Variants in IQSEC1 observed in about 807,000 individuals in gnomAD.
The protein encoded by IQSEC1 is IQ motif and SEC7 domain-containing protein 1.
Under a neutral mutation model 91.0 loss-of-function variants are expected in IQSEC1, and 31 were observed. The ratio of observed to expected loss-of-function variants is 0.34; its 90% CI spans 0.26 to 0.46. IQSEC1 has a LOEUF of 0.46. IQSEC1 is among the 20% of genes least tolerant of loss of function. The pLI is 1.00. For synonymous variants in IQSEC1, 699 were observed against 662.6 expected (o/e 1.05, Z -0.84); for missense variants, 1,388 against 1,575.6 (o/e 0.88, Z 2.02).
chr3:13,277,137 A>AAAAC lies in IQSEC1; in HGVS notation c.272+5573_272+5574insGTTT, dbSNP rs60347391. ...AAAAAAAAAAAAAAAAAAAAAAAAAACAGAAAACAAGACACAAAAGACCGG... is the reference window on the plus strand; with the variant it reads ...AAAAAAAAAAAAAAAAAAAAAAAAAAAAACCAGAAAACAAGACACAAAAGACCGG... On this transcript the variant is annotated intron_variant, in intron 1 of 15. Transcript: ENST00000648114. Among the ~76,000 whole-genome samples, 43 of 118,376 alleles carry AAAAC rather than the reference A, an allele frequency of 3.6e-4. 2 individuals carry two copies. Among genetic ancestry groups the AAAAC allele is most frequent in the African/African-American group, 1.5e-3 (40 of 27,458 alleles). 77.7% of individuals were successfully genotyped at this position (118,376 alleles called of 152,430 possible).
chr3:13,013,174 TG>T (rs1480093960), intron 1 of IQSEC1, among the ~76,000 whole-genome samples: 1 of 152,148 alleles, frequency 6.6e-6, no homozygotes, highest in Non-Finnish European at 1.5e-5. Flanking sequence ...TTGGTCAGGC[TG>T]GTCTCGATCT....
intron 1 of IQSEC1, among the ~76,000 whole-genome samples, chr3:12,980,998 A>T (rs894032727): frequency 1.3e-5 from 2 of 152,120 alleles, no homozygotes; most frequent in African/African-American, 2.4e-5. Context: ...CCTTCCTCTA[A>T]GCAGTGTTCA....
intron 2 of IQSEC1, among the ~76,000 whole-genome samples, chr3:13,086,299 C>T (rs990060009): frequency 5.3e-5 from 8 of 150,826 alleles, no homozygotes; most frequent in Middle Eastern, 3.5e-3. Context: ...TTGTGCCCAC[C>T]GTGGCGGGGA....
chr3:13,193,004 C>G lies in IQSEC1; in HGVS notation c.273-28871G>C, dbSNP rs1270471074. On this transcript the variant is annotated intron_variant, in intron 1 of 15. Transcript: ENST00000648114. The surrounding 1 kb of genome is among the most constrained non-coding windows in gnomAD (Gnocchi z 4.2). ...TCCCAGTGACAGCAACAGGGGCCAT[C>G]TCTGGGCAGTGGGCGAAGGTCCAGT... Among the ~76,000 whole-genome samples, 1 of 152,264 alleles carries G rather than the reference C, an allele frequency of 6.6e-6. No homozygotes were observed. The highest frequency in any genetic ancestry group is 1.5e-5 in the Non-Finnish European group (1 of 68,048).
chr3:13,118,151 G>GCTAA (rs1706366811), intron 2 of IQSEC1, among the ~76,000 whole-genome samples: 1 of 152,118 alleles, frequency 6.6e-6, no homozygotes, highest in Non-Finnish European at 1.5e-5. Flanking sequence ...TGATGGCTGT[G>GCTAA]CTAACCACCC....
intron 2 of IQSEC1, among the ~76,000 whole-genome samples, chr3:13,119,652 C>T (rs1706391796): frequency 6.6e-6 from 1 of 152,210 alleles, no homozygotes; most frequent in African/African-American, 2.4e-5. Context: ...TGGATGTGGC[C>T]TGGGGGCCGT....
chr3:13,032,227 A>AATGAGGG (rs1703868224), intron 1 of IQSEC1, among the ~76,000 whole-genome samples: 1 of 152,182 alleles, frequency 6.6e-6, no homozygotes, highest in South Asian at 2.1e-4. Flanking sequence ...CCACTTTCAA[A>AATGAGGG]ATGAGGGCAC....
intron 3 of IQSEC1, among the ~76,000 whole-genome samples, chr3:12,925,248 G>A (rs749908959): frequency 1.3e-5 from 2 of 152,202 alleles, no homozygotes; most frequent in Non-Finnish European, 2.9e-5. Context: ...TGAGCAGACT[G>A]GAACCCTCCC....
chr3:12,928,393 G>A (rs899582604), intron 3 of IQSEC1, among the ~76,000 whole-genome samples: 1 of 152,222 alleles, frequency 6.6e-6, no homozygotes, highest in East Asian at 1.9e-4. Flanking sequence ...AGGGGGCCTA[G>A]GCCGGTGATG....
rs149775040 is a variant in IQSEC1 at position 13,148,421 on chromosome 3, A to G, written c.302+15683T>C. On this transcript the variant is annotated intron_variant, in intron 2 of 15. Transcript: ENST00000648114. ...CATGCATACCTACACTCTGCCACGA[A>G]TCAAATCATGAATCTTAAACCAGGA... 5.9e-5 allele frequency among the ~76,000 whole-genome samples: 9 copies of G among 152,344 alleles called. No homozygotes were observed. The East Asian group carries it at 1.7e-3, about 29-fold the overall frequency.
At chr3:13,101,597 G>A (rs988902457) in intron 2 of IQSEC1, among the ~76,000 whole-genome samples, 6 of 151,972 alleles carry the variant, frequency 3.9e-5, no homozygotes, top group Non-Finnish European at 7.4e-5. Flanking sequence ...CGGTTTCCAC[G>A]ACAGATTGCA....
chr3:12,907,557 C>A (rs886339873), intron 12 of IQSEC1, among the ~76,000 whole-genome samples: 2 of 152,212 alleles, frequency 1.3e-5, no homozygotes, highest in African/African-American at 4.8e-5. Flanking sequence ...CCTTGAGCAG[C>A]AACACAGCCT....
Position 12,994,348 on chromosome 3 carries a change from C to A in IQSEC1, c.24-52483G>T, listed in dbSNP as rs887617229. Among the ~76,000 whole-genome samples, 8 of 151,738 alleles carry A rather than the reference C, an allele frequency of 5.3e-5. No homozygotes were observed. Among genetic ancestry groups the A allele is most frequent in the Admixed American group, 3.3e-4 (5 of 15,268 alleles). On this transcript the variant is annotated intron_variant, in intron 1 of 13. Transcript: ENST00000613206. The surrounding 1 kb of genome is among the most constrained non-coding windows in gnomAD (Gnocchi z 4.5). ...CCCTCGGAAGGTGTGTGTGCGTGCG[C>A]GGCTGTGCTAGGGGGCGGGGAGGAC...
chr3:13,276,077 A>AGTC (rs1695672564), intron 1 of IQSEC1, among the ~76,000 whole-genome samples: 1 of 85,600 alleles, frequency 1.2e-5, no homozygotes, highest in Non-Finnish European at 2.3e-5. Context: ...CCTCAAAAGC[A>AGTC]TTCTTTTTTT....
chr3:13,269,192 G>A (rs1695550527), intron 1 of IQSEC1, among the ~76,000 whole-genome samples: 1 of 152,222 alleles, frequency 6.6e-6, no homozygotes, highest in Non-Finnish European at 1.5e-5. Flanking sequence ...GTGAGCAAGA[G>A]AGGAACTCAG....
At chr3:13,258,222 G>A (rs113345617) in intron 1 of IQSEC1, among the ~76,000 whole-genome samples, 12 of 152,170 alleles carry the variant, frequency 7.9e-5, no homozygotes, top group African/African-American at 1.7e-4. Context: ...CATCCATTGC[G>A]GCAGATGTGC....
At chr3:12,960,372 G>C (rs1291396796) in intron 1 of IQSEC1, 1 of 152,176 alleles carries the variant, frequency 6.6e-6, no homozygotes, top group African/African-American at 2.4e-5. Flanking sequence ...TGATGGTAGT[G>C]CACCTCTGTA....
intron 3 of IQSEC1, among the ~76,000 whole-genome samples, chr3:12,930,734 T>C (rs1399009105): frequency 6.6e-6 from 1 of 152,100 alleles, no homozygotes; most frequent in Admixed American, 6.5e-5. Flanking sequence ...CCCAGTTTGA[T>C]AGAGTTCCTG....
chr3:12,959,312 G>T (rs1048411281), intron 1 of IQSEC1, among the ~76,000 whole-genome samples: 1 of 152,182 alleles, frequency 6.6e-6, no homozygotes, highest in African/African-American at 2.4e-5. Context: ...GAAAGCCAGG[G>T]CAACAGGGAG....
Sources: allele counts gnomAD v4.1 joint callset (sites outside exome capture counted in the v4.1 genomes callset), GRCh38; gene constraint gnomAD v4.1.1; non-coding constraint Gnocchi (gnomAD v3.1); transcripts MANE v1.5; gene names NCBI Gene and HGNC (gene_info 2026-07-23, HGNC 2026-07-21).